The following NHSL1 variants were observed in gnomAD, a reference collection of about 807,000 sequenced individuals.
NHSL1 encodes the protein NHS like 1.
A neutral mutation model predicts 95.0 loss-of-function variants in NHSL1; 48 were observed. The ratio of observed to expected loss-of-function variants is 0.51; its 90% confidence interval spans 0.40 to 0.64. NHSL1 has a LOEUF of 0.64. Ranked by LOEUF, NHSL1 falls within the 30% of genes least tolerant of loss-of-function variation. The pLI is 0.00. For synonymous variants in NHSL1, 783 were observed against 833.9 expected, an observed-to-expected ratio of 0.94 and a Z score of 1.05; for missense variants, 1,971 against 2,077.7, an observed-to-expected ratio of 0.95 and a Z score of 1.00.
At chr6:138,628,428 T>C (rs981368957) in intron 1 of NHSL1, among the ~76,000 whole-genome samples, 4 of 152,208 alleles carry the variant, frequency 2.6e-5, no homozygotes, top group Admixed American at 2.6e-4. Flanking sequence ...ATGTTTGGCA[T>C]TACAAACGGC....
At position 138,452,918 on chromosome 6, in the gene NHSL1, A is replaced by G. The variant is rs142784364; in HGVS notation, c.340-5725T>C. On this transcript the variant is annotated intron_variant, in intron 3 of 7. Transcript: ENST00000343505. ...AGTTCATGGTTCATCCAGCAACTCC[A>G]TGATGGCCAACAGGTGACTTCCACA... 1.2e-4 allele frequency among the ~76,000 whole-genome samples: 18 copies of G among 152,290 alleles called. No individual in the cohort carries two copies. The East Asian group carries it at 2.3e-3, about 20-fold the overall frequency.
intron 2 of NHSL1, among the ~76,000 whole-genome samples, chr6:138,483,696 A>C (rs1005880175): frequency 5.1e-4 from 77 of 152,106 alleles, no homozygotes; most frequent in African/African-American, 1.8e-3. Flanking sequence ...TTTCAAACTA[A>C]TGAGTCAGAT....
chr6:138,609,031 A>G (rs1470283114), intron 1 of NHSL1, among the ~76,000 whole-genome samples: 1 of 152,210 alleles, frequency 6.6e-6, no homozygotes. Context: ...TACACTATAT[A>G]CACTTTTTTT....
At chr6:138,479,994 C>T (rs189388469) in intron 2 of NHSL1, among the ~76,000 whole-genome samples, 3 of 151,876 alleles carry the variant, frequency 2.0e-5, no homozygotes, top group Non-Finnish European at 2.9e-5. Flanking sequence ...AAATTGAATG[C>T]GAAGTGGAAT....
At chr6:138,491,900 C>T (rs1780099584) in intron 2 of NHSL1, among the ~76,000 whole-genome samples, 1 of 152,074 alleles carries the variant, frequency 6.6e-6, no homozygotes, top group Admixed American at 6.5e-5. Context: ...CATGTCAGTG[C>T]TCAAAAAGTT....
At chr6:138,464,188 G>C in intron 3 of NHSL1, 1 of 710,614 alleles carries the variant, frequency 1.4e-6, no homozygotes, top group Non-Finnish European at 2.3e-6. Flanking sequence ...TGGGCACCAG[G>C]GGCAGCCTGA....
At chr6:138,435,812 T>C (rs1405956677) in intron 5 of NHSL1, among the ~76,000 whole-genome samples, 3 of 151,758 alleles carry the variant, frequency 2.0e-5, no homozygotes, top group African/African-American at 4.8e-5. Context: ...TTTTCTAACA[T>C]GCTTACTGTG....
chr6:138,661,164 T>C (rs1447870858), intron 1 of NHSL1, among the ~76,000 whole-genome samples: 1 of 152,202 alleles, frequency 6.6e-6, no homozygotes, highest in African/African-American at 2.4e-5. Context: ...TGTATTCTCT[T>C]AACAAATTTC....
At chr6:138,627,527 C>T (rs985962989) in intron 1 of NHSL1, among the ~76,000 whole-genome samples, 1 of 152,004 alleles carries the variant, frequency 6.6e-6, no homozygotes, top group Admixed American at 6.6e-5. Context: ...CTTCTTTAAT[C>T]GTCAGAAAAA....
chr6:138,545,776 G>A, upstream of NHSL1: 20 of 1,203,058 alleles, frequency 1.7e-5, no homozygotes, highest in Non-Finnish European at 2.1e-5. Flanking sequence ...GTTACTCCAG[G>A]AAGCCACTGC....
intron 1 of NHSL1, among the ~76,000 whole-genome samples, chr6:138,622,663 G>A (rs1416231881): frequency 6.6e-6 from 1 of 151,774 alleles, no homozygotes; most frequent in Non-Finnish European, 1.5e-5. Flanking sequence ...TTTCAGAAGG[G>A]GAAAAAAAAT....
intron 1 of NHSL1, among the ~76,000 whole-genome samples, chr6:138,511,438 ATGTG>A (rs1319325993): frequency 6.6e-6 from 1 of 150,684 alleles, no homozygotes; most frequent in Non-Finnish European, 1.5e-5. Context: ...GAGAGTGTGT[ATGTG>A]TGTGTGAGTG....
At chr6:138,552,626 T>C (rs186464093) in intron 1 of NHSL1, among the ~76,000 whole-genome samples, 2 of 152,250 alleles carry the variant, frequency 1.3e-5, no homozygotes, top group Non-Finnish European at 2.9e-5. Flanking sequence ...ATTTTTCTCT[T>C]TTTTTGTAAG....
At chr6:138,550,144 C>G (rs1430712946), upstream of NHSL1, among the ~76,000 whole-genome samples, 1 of 152,076 alleles carries the variant, frequency 6.6e-6, no homozygotes, top group Non-Finnish European at 1.5e-5. Flanking sequence ...GAAGCTGAGG[C>G]AGGAGAATTG....
intron 1 of NHSL1, among the ~76,000 whole-genome samples, chr6:138,562,841 G>T (rs1344318644): frequency 6.6e-6 from 1 of 151,902 alleles, no homozygotes; most frequent in African/African-American, 2.4e-5. Context: ...ACCAGAGCAG[G>T]TTCCTTCCAA....
Position 138,431,146 on chromosome 6 carries a change from G to C in NHSL1, c.3199C>G (p.Leu1067Val), listed in dbSNP as rs1775624551. ...KEETSRPPMP[L>V]ITTEALQMVQ... ...ATCTGCAATGCTTCCGTGGTTATCA[G>C]GGGCATGGGGGGCCTGCTGGTCTCC... The change falls in exon 6 of 8, where the codon CTG (leucine) becomes GTG (valine). Residue 1067 changes from leucine to valine, a missense_variant. Physicochemically the swap from Leu to Val is conservative, Grantham distance 32 (BLOSUM62 1). Transcript: ENST00000343505. This position sits in a 1 kb window ranked among gnomAD's most constrained non-coding sequence, Gnocchi z 4.0. 1.3e-6 allele frequency: 2 copies of C among 1,551,646 alleles called. No individual in the cohort carries two copies. The highest frequency in any genetic ancestry group is 2.4e-5 in the South Asian group (2 of 84,054).
intron 1 of NHSL1, among the ~76,000 whole-genome samples, chr6:138,644,278 C>T (rs9495176): frequency 2.0e-5 from 3 of 151,946 alleles, no homozygotes; most frequent in Non-Finnish European, 4.4e-5. Flanking sequence ...TGAGGAAGGT[C>T]GGTCACGAGG....
At chr6:138,499,500 A>C (rs1583309781), upstream of NHSL1, 2 of 1,144,690 alleles carry the variant, frequency 1.7e-6, no homozygotes, top group South Asian at 2.4e-5. Context: ...AACCTGAAAA[A>C]CTCCTACTGA....
At chr6:138,564,794 G>A (rs1352620010) in intron 1 of NHSL1, among the ~76,000 whole-genome samples, 3 of 152,154 alleles carry the variant, frequency 2.0e-5, no homozygotes, top group Non-Finnish European at 4.4e-5. Flanking sequence ...AAATAACATA[G>A]AGACAAGAGC....
Sources: allele counts gnomAD v4.1 joint callset (sites outside exome capture counted in the v4.1 genomes callset), GRCh38; gene constraint gnomAD v4.1.1; non-coding constraint Gnocchi (gnomAD v3.1); transcripts MANE v1.5; gene names NCBI Gene and HGNC (gene_info 2026-07-23, HGNC 2026-07-21).